ALPK2: variants seen among roughly 807,000 people sequenced by gnomAD.
The protein encoded by ALPK2 is alpha-protein kinase 2.
A neutral mutation model predicts 163.1 loss-of-function variants in ALPK2; 127 were observed. The observed-to-expected ratio is 0.78, with a 90% confidence interval of 0.67 to 0.90. The LOEUF is 0.90. Among genes scored for constraint, ALPK2 ranks in the 40% least tolerant of loss-of-function variants. The probability of loss-of-function intolerance (pLI) is 0.00; values close to 1 mark genes in which losing one functional copy is unlikely to be tolerated. For missense variants in ALPK2, 2,360 were observed against 2,589.6 expected (o/e 0.91, Z 1.92); for synonymous variants, 953 against 959.1 (o/e 0.99, Z 0.12).
chr18:58,541,952 T>C (rs2051692054), intron 4 of ALPK2, among the ~76,000 whole-genome samples: 1 of 152,182 alleles, frequency 6.6e-6, no homozygotes, highest in African/African-American at 2.4e-5. Context: ...AGTTAAGTCA[T>C]TACAAAAGAA....
intron 1 of ALPK2, among the ~76,000 whole-genome samples, chr18:58,623,399 A>G (rs1339682420): frequency 6.6e-6 from 1 of 151,998 alleles, no homozygotes. Flanking sequence ...TGTGCCTTAG[A>G]GATAAGGAAC....
At chr18:58,491,174 A>C (rs1264876045) in intron 12 of ALPK2, among the ~76,000 whole-genome samples, 1 of 152,074 alleles carries the variant, frequency 6.6e-6, no homozygotes, top group Non-Finnish European at 1.5e-5. Context: ...GACTGAACTG[A>C]CTCCGTCTTG....
In ALPK2 at chr18:58,622,714, C is replaced by T. The variant is rs978816616; in HGVS notation, c.-21+6050G>A. On this transcript the variant is annotated intron_variant, in intron 1 of 12. Coordinates refer to ENST00000361673, the MANE Select transcript of ALPK2 (RefSeq NM_052947.4). ...TGCTCTGTCCAGTCTAGGAATGTGT[C>T]GTCAATGTCATCACAAACATTTCAC... 3.3e-5 allele frequency among the ~76,000 whole-genome samples: 5 copies of T among 152,282 alleles called. 1 individual carries two copies. Among genetic ancestry groups the T allele is most frequent in the Admixed American group, 6.5e-5 (1 of 15,298 alleles).
intron 3 of ALPK2, among the ~76,000 whole-genome samples, chr18:58,588,882 G>A (rs1381537911): frequency 2.0e-5 from 3 of 152,156 alleles, no homozygotes; most frequent in African/African-American, 7.2e-5. Flanking sequence ...TGTGAATGGT[G>A]CTGCAATGAA....
At chr18:58,500,343 A>C (rs1016693350) in intron 11 of ALPK2, among the ~76,000 whole-genome samples, 4 of 152,166 alleles carry the variant, frequency 2.6e-5, no homozygotes, top group African/African-American at 9.7e-5. Flanking sequence ...ATGGAAGTCC[A>C]ATTTGAAAAA....
chr18:58,614,516 T>G (rs1485419402), intron 1 of ALPK2, among the ~76,000 whole-genome samples: 1 of 152,234 alleles, frequency 6.6e-6, no homozygotes, highest in African/African-American at 2.4e-5. Flanking sequence ...GGAAGAAAAT[T>G]CATCTGCTAG....
intron 4 of ALPK2, among the ~76,000 whole-genome samples, chr18:58,577,437 C>A (rs1260457054): frequency 1.3e-5 from 2 of 152,194 alleles, no homozygotes; most frequent in Non-Finnish European, 2.9e-5. Context: ...GTAAAAAAAG[C>A]ACTTAGCTGA....
intron 2 of ALPK2, among the ~76,000 whole-genome samples, chr18:58,610,765 C>A (rs895907791): frequency 1.7e-4 from 25 of 151,364 alleles, no homozygotes; most frequent in African/African-American, 6.1e-4. Flanking sequence ...CATGGTGAAC[C>A]ACCCCCCTCC....
chr18:58,556,313 G>C (rs1451771099), intron 4 of ALPK2, among the ~76,000 whole-genome samples: 1 of 152,160 alleles, frequency 6.6e-6, no homozygotes, highest in Non-Finnish European at 1.5e-5. Flanking sequence ...GTTTTGAGGA[G>C]AGCTAAGGAA....
chr18:58,497,136 C>G (rs1602186208), intron 12 of ALPK2, among the ~76,000 whole-genome samples: 1 of 152,358 alleles, frequency 6.6e-6, no homozygotes, highest in Admixed American at 6.5e-5. Context: ...TGGCCTGGTG[C>G]CCCCTCTTGG....
At chr18:58,483,726 ATTT>A (rs35380816) in intron 12 of ALPK2, among the ~76,000 whole-genome samples, 1 of 132,822 alleles carries the variant, frequency 7.5e-6, no homozygotes, top group African/African-American at 2.9e-5. Flanking sequence ...AATTTTTTGT[ATTT>A]TTTTTTTTTT....
chr18:58,502,134 C>CACACACACA (rs2051434621), intron 11 of ALPK2, among the ~76,000 whole-genome samples: 5 of 118,830 alleles, frequency 4.2e-5, no homozygotes, highest in Non-Finnish European at 5.0e-5. Context: ...AACCCCATCT[C>CACACACACA]CACACACACA....
chr18:58,496,722 CTG>C (rs1361223058), intron 12 of ALPK2, among the ~76,000 whole-genome samples: 1 of 152,238 alleles, frequency 6.6e-6, no homozygotes, highest in Non-Finnish European at 1.5e-5. Flanking sequence ...ACTTTATTTT[CTG>C]TGTTTCTGAT....
chr18:58,525,906 T>C (rs79110058), intron 6 of ALPK2, among the ~76,000 whole-genome samples: 15,915 of 147,922 alleles, frequency 0.11, 933 homozygotes, highest in Middle Eastern at 0.16. Context: ...CAAAGAGTTC[T>C]ATCCAACATT....
chr18:58,503,925 C>G lies in ALPK2; in HGVS notation c.6247+6G>C, dbSNP rs747238648. Reference sequence around the variant, plus strand: ...CCTGGAGCCTGGGCTAAGCTGCTTTCCTCACCTTGCATGTCCGTCACCAGG... The same window carrying G: ...CCTGGAGCCTGGGCTAAGCTGCTTTGCTCACCTTGCATGTCCGTCACCAGG... On this transcript the variant is annotated splice_donor_region_variant and intron_variant, in intron 11 of 12. Coordinates refer to ENST00000361673, the MANE Select transcript of ALPK2 (RefSeq NM_052947.4). 3.1e-6 allele frequency: 5 copies of G among 1,610,500 alleles called. No homozygotes were observed. The African/African-American group carries it at 6.7e-5, about 22-fold the overall frequency.
chr18:58,536,872 G>T lies in ALPK2; in HGVS notation c.3315C>A (p.Asn1105Lys). The T allele has an allele frequency of 1.2e-6, 2 of 1,614,152 alleles. No individual in the cohort carries two copies. Among genetic ancestry groups the T allele is most frequent in the South Asian group, 1.1e-5 (1 of 91,084 alleles). The change falls in exon 5 of 13, where the codon AAC (asparagine) becomes AAA (lysine). Residue 1105 changes from asparagine (N) to lysine (K), a missense_variant. Asn to Lys is a moderately conservative substitution (Grantham distance 94). Transcript: ENST00000361673. ...CAGTCTGGCTCTTATCTCCAGACAG[G>T]TTATCAACCTGAAGAGGGGAATTAC... Reference protein sequence around the residue: ...FCSNSPLQVDNLSGDKSQTVD... With the variant: ...FCSNSPLQVDKLSGDKSQTVD...
rs1245592213 is a variant in ALPK2, at chr18:58,594,856, C to T, written c.227+12466G>A. On this transcript the variant is annotated intron_variant, in intron 3 of 12. Transcript: ENST00000361673. ...TGCAGGACCGTCCTGGGTGGAGGCA[C>T]CACCGTCTCATCTGAATTACCGCGA... Among the ~76,000 whole-genome samples, 5 of 152,196 alleles carry T rather than the reference C, an allele frequency of 3.3e-5. No individual in the cohort carries two copies. The East Asian group carries it at 7.7e-4, about 23-fold the overall frequency.
Position 58,537,631 on chromosome 18 carries a change from T to A in ALPK2, c.2556A>T (p.Leu852Phe). The A allele has an allele frequency of 6.2e-7, 1 of 1,613,568 alleles. No homozygotes were observed. Among genetic ancestry groups the A allele is most frequent in the Non-Finnish European group, 8.5e-7 (1 of 1,179,516 alleles). Reference sequence around the variant, plus strand: ...CCAGTGTCTTGTCATTAGAAGAACATAAATCAGATACTTTGTTTTGACCTT... The same window carrying A: ...CCAGTGTCTTGTCATTAGAAGAACAAAAATCAGATACTTTGTTTTGACCTT... ...LAEGQNKVSD[L>F]CSSNDKTLEV... Residue 852 changes from leucine (L) to phenylalanine (F), a missense_variant, in exon 5 of 13, where the codon TTA (leucine) becomes TTT (phenylalanine). Leu to Phe is a conservative substitution (Grantham distance 22). Coordinates refer to ENST00000361673, the MANE Select transcript of ALPK2 (RefSeq NM_052947.4).
Position 58,558,659 on chromosome 18 carries a change from A to G in ALPK2, c.1962+20155T>C, listed in dbSNP as rs147113364. 1.0e-3 allele frequency among the ~76,000 whole-genome samples: 152 copies of G among 152,366 alleles called. 5 individuals carry two copies. In the East Asian group the frequency reaches 0.024, roughly 24 times the overall value. On this transcript the variant is annotated intron_variant, in intron 4 of 12. Coordinates refer to ENST00000361673, the MANE Select transcript of ALPK2 (RefSeq NM_052947.4). ...TAGCAGCATTACTCGTAATGGCCAC[A>G]CAGTGGAAACCACCCAAATGTCCAT...
Sources: gnomAD v4.1 joint callset for allele counts (sites outside exome capture counted in the v4.1 genomes callset) on GRCh38, gnomAD v4.1.1 for gene constraint, MANE v1.5 for transcripts, NCBI Gene and HGNC (gene_info 2026-07-23, HGNC 2026-07-21) for gene names.